CAPN9: variants seen among roughly 807,000 people sequenced by gnomAD.
CAPN9 encodes the protein calpain 9.
CAPN9 carries 81 observed loss-of-function variants against 92.8 expected under a neutral mutation model. That is an observed-to-expected ratio of 0.87 (90% CI 0.73 to 1.05). CAPN9 has a LOEUF of 1.05. CAPN9 is among the 50% of genes least tolerant of loss of function. CAPN9 has a pLI of 0.00. For synonymous variants in CAPN9, 304 were observed against 328.0 expected, an observed-to-expected ratio of 0.93 and a Z score of 0.79; for missense variants, 848 against 866.2, an observed-to-expected ratio of 0.98 and a Z score of 0.26.
chr1:230,788,386 C>A (rs764258771), intron 13 of CAPN9, among the ~76,000 whole-genome samples: 2 of 152,222 alleles, frequency 1.3e-5, no homozygotes, highest in Admixed American at 6.5e-5. Flanking sequence ...CAGGCTCTTC[C>A]TCCACCTGCT....
chr1:230,767,432 A>C lies in CAPN9; in HGVS notation c.537-109A>C, dbSNP rs376137286. 1.1e-5 allele frequency: 10 copies of C among 887,616 alleles called. No homozygotes were observed. In the African/African-American group the frequency reaches 1.5e-4, roughly 13 times the overall value. The allele number at this position is 887,616 out of a possible 1,614,324, so 55.0% of individuals were successfully genotyped here. On this transcript the variant is annotated intron_variant, in intron 4 of 19. Transcript: ENST00000271971. ...TCCTTCCACACCACCCAGCCAGGGCAAGCCCTGGGAGATGCTTCAGGCTTA... is the reference window on the plus strand; with the variant it reads ...TCCTTCCACACCACCCAGCCAGGGCCAGCCCTGGGAGATGCTTCAGGCTTA...
intron 1 of CAPN9, among the ~76,000 whole-genome samples, chr1:230,751,164 A>G (rs1664734077): frequency 6.6e-6 from 1 of 152,206 alleles, no homozygotes; most frequent in African/African-American, 2.4e-5. Context: ...ACCTGTGCAC[A>G]GCGTGGCATG....
At position 230,769,219 on chromosome 1, in the gene CAPN9, G is replaced by T. The variant is rs376744861; in HGVS notation, c.745G>T (p.Gly249Cys). The T allele has an allele frequency of 1.2e-6, 2 of 1,614,044 alleles. No individual in the cohort carries two copies. Among genetic ancestry groups the T allele is most frequent in the Non-Finnish European group, 1.7e-6 (2 of 1,180,004 alleles). The change falls in exon 6 of 20, where the codon GGT becomes TGT. Residue 249 changes from glycine to cysteine, a missense_variant. Transcript: ENST00000271971. ...AGAATCTGAGGCCCGGACGCCGTTT[G>T]GTCTTATTAAGGGTCATGCCTACAG... ...AAESEARTPF[G>C]LIKGHAYSVT...
At chr1:230,752,643 C>A in intron 1 of CAPN9, 1 of 983,916 alleles carries the variant, frequency 1.0e-6, no homozygotes, top group Middle Eastern at 5.2e-4. Flanking sequence ...CCGGGAACAG[C>A]CCTGCCCCAG....
At chr1:230,789,818 A>G (rs539860326) in intron 13 of CAPN9, among the ~76,000 whole-genome samples, 2 of 152,302 alleles carry the variant, frequency 1.3e-5, no homozygotes, top group African/African-American at 2.4e-5. Flanking sequence ...GGACAATTCC[A>G]GGAGTTGGTT....
intron 17 of CAPN9, 25 bp downstream of exon 17, chr1:230,792,953 T>G (rs1374052153): frequency 1.9e-6 from 3 of 1,569,328 alleles, no homozygotes; most frequent in African/African-American, 1.4e-5. Context: ...GGAGTACAGG[T>G]GGCTGACTGC....
chr1:230,790,081 A>G (rs1200792109), intron 13 of CAPN9, 51 bp from the exon 14 acceptor site: 2 of 1,486,146 alleles, frequency 1.3e-6, no homozygotes, highest in Non-Finnish European at 1.9e-6. Flanking sequence ...AAAATAAACT[A>G]TAAAAGAAGG....
At chr1:230,774,370 C>T (rs1324630118) in intron 7 of CAPN9, among the ~76,000 whole-genome samples, 184 bp from the exon 8 acceptor site, 1 of 152,226 alleles carries the variant, frequency 6.6e-6, no homozygotes, top group African/African-American at 2.4e-5. Flanking sequence ...TTCTGACCAG[C>T]CCTCTTATTT....
chr1:230,797,888 C>T (rs1227299958), intron 18 of CAPN9, among the ~76,000 whole-genome samples: 1 of 152,158 alleles, frequency 6.6e-6, no homozygotes, highest in African/African-American at 2.4e-5. Flanking sequence ...AAGATAGGGG[C>T]GTTGCTTTGG....
intron 4 of CAPN9, among the ~76,000 whole-genome samples, chr1:230,764,163 G>C (rs898849041): frequency 2.6e-5 from 4 of 152,222 alleles, no homozygotes; most frequent in Admixed American, 2.6e-4. Context: ...CATTATTTCT[G>C]GGTGTGTCTG....
chr1:230,798,227 C>A lies in CAPN9; in HGVS notation c.2046+7C>A. On this transcript the variant is annotated splice_region_variant and intron_variant, in intron 19 of 19. Transcript: ENST00000271971. The stretch of plus-strand genomic sequence containing the variant: ...TCATCTCAATATAAATGAGGTATGG[C>A]CAATCCAGACCCTCTGCTCAGGGAC... 3 of 1,600,386 alleles carry A rather than the reference C, an allele frequency of 1.9e-6. No homozygotes were observed. The highest frequency in any genetic ancestry group is 2.6e-6 in the Non-Finnish European group (3 of 1,167,786).
At chr1:230,775,734 A>G (rs1230132515) in intron 8 of CAPN9, among the ~76,000 whole-genome samples, 3 of 152,056 alleles carry the variant, frequency 2.0e-5, no homozygotes, top group Admixed American at 1.3e-4. Flanking sequence ...TGGCTAACAC[A>G]GTGAAACCCC....
At chr1:230,771,597 T>G (rs1466839896) in intron 6 of CAPN9, among the ~76,000 whole-genome samples, 3 of 152,272 alleles carry the variant, frequency 2.0e-5, no homozygotes, top group Non-Finnish European at 2.9e-5. Flanking sequence ...AATAGTTCCA[T>G]GAGCACCTTT....
At chr1:230,771,691 G>T (rs952804379) in intron 6 of CAPN9, among the ~76,000 whole-genome samples, 1 of 152,210 alleles carries the variant, frequency 6.6e-6, no homozygotes, top group Non-Finnish European at 1.5e-5. Context: ...TCCAAGTCTA[G>T]AGAGAAACCC....
At chr1:230,748,455 T>G (rs1196371381) in intron 1 of CAPN9, among the ~76,000 whole-genome samples, 2 of 152,166 alleles carry the variant, frequency 1.3e-5, no homozygotes, top group African/African-American at 4.8e-5. Flanking sequence ...GGGGTCCGGT[T>G]GCTTTTGGGC....
intron 4 of CAPN9, among the ~76,000 whole-genome samples, chr1:230,763,186 T>C (rs969296077): frequency 7.2e-5 from 11 of 152,226 alleles, no homozygotes; most frequent in African/African-American, 2.4e-4. Flanking sequence ...TCCTACGGGA[T>C]GCTTCTTTTT....
At position 230,774,620 on chromosome 1, in the gene CAPN9, T is replaced by C; in HGVS notation, c.942T>C (p.Asp314=). 6.2e-7 allele frequency: 1 copy of C among 1,613,400 alleles called. No individual in the cohort carries two copies. The highest frequency in any genetic ancestry group is 8.5e-7 in the Non-Finnish European group (1 of 1,179,306). ...GTCTGTGTCACACTGCTCTGGATGA[T>C]GGGGAATTCTGGTACCGTGCTTGTT... ...QKRLCHTALD[D]GEFWMAFKDF... is the part of the protein sequence containing the mutation. Residue 314 remains aspartate, a synonymous_variant, in exon 8 of 20, where the codon GAT becomes GAC. Transcript: ENST00000271971.
chr1:230,793,658 C>G (rs752531547), intron 17 of CAPN9, among the ~76,000 whole-genome samples: 1 of 152,198 alleles, frequency 6.6e-6, no homozygotes, highest in Non-Finnish European at 1.5e-5. Flanking sequence ...TAAAGTGGTT[C>G]TCTCCCAGGG....
At position 230,780,193 on chromosome 1, in the gene CAPN9, A is replaced by C; in HGVS notation, c.1129A>C (p.Asn377His). Residue 377 changes from asparagine to histidine, a missense_variant, in exon 10 of 20, where the codon AAT (asparagine) becomes CAT (histidine). Physicochemically the swap from Asn to His is moderately conservative, Grantham distance 68 (BLOSUM62 1). Coordinates refer to ENST00000271971, the MANE Select transcript of CAPN9 (RefSeq NM_006615.3). ...CCAAATGACAGATACCTTTTGGACC[A>C]ATCCACAAATAAAATTGTCTCTGAC... The part of the protein sequence containing the change: ...CRNFLDTFWT[N>H]PQIKLSLTEK... The C allele has an allele frequency of 6.2e-7, 1 of 1,613,706 alleles. No individual in the cohort carries two copies. The highest frequency in any genetic ancestry group is 8.5e-7 in the Non-Finnish European group (1 of 1,179,918).
Sources: allele counts gnomAD v4.1 joint callset (sites outside exome capture counted in the v4.1 genomes callset), GRCh38; gene constraint gnomAD v4.1.1; transcripts MANE v1.5; gene names NCBI Gene and HGNC (gene_info 2026-07-23, HGNC 2026-07-21).